The following IGF2R variants were observed in gnomAD, a reference collection of about 807,000 sequenced individuals.
The protein encoded by IGF2R is cation-independent mannose-6-phosphate receptor.
In IGF2R, 91 loss-of-function variants were observed where a neutral mutation model predicts 270.6. That is an observed-to-expected ratio of 0.34 (90% CI 0.28 to 0.40). The LOEUF (loss-of-function observed/expected upper bound fraction) is 0.40, where lower values mean the gene tolerates loss of function less well. Among genes scored for constraint, IGF2R ranks in the 10% least tolerant of loss-of-function variants. The pLI, the probability that IGF2R is intolerant of heterozygous loss-of-function variation, is 1.00. For missense variants in IGF2R, 2,805 were observed against 3,188.3 expected, an observed-to-expected ratio of 0.88 and a Z score of 2.90; for synonymous variants, 1,316 against 1,258.9, an observed-to-expected ratio of 1.05 and a Z score of -0.96.
At chr6:160,037,951 C>G (rs529217957) in intron 10 of IGF2R, among the ~76,000 whole-genome samples, 3 of 152,206 alleles carry the variant, frequency 2.0e-5, no homozygotes, top group East Asian at 1.9e-4. Flanking sequence ...AAATAAGTCA[C>G]TTGGCCCAGC....
intron 46 of IGF2R, among the ~76,000 whole-genome samples, chr6:160,103,183 C>T (rs1272542401): frequency 6.6e-6 from 1 of 152,100 alleles, no homozygotes; most frequent in Admixed American, 6.5e-5. Context: ...TCAGGCGTTC[C>T]CTGCTGCCAC....
chr6:160,082,541 A>G (rs1175067083), intron 39 of IGF2R, among the ~76,000 whole-genome samples: 3 of 151,978 alleles, frequency 2.0e-5, no homozygotes, highest in East Asian at 3.9e-4. Flanking sequence ...CCAACTGCTG[A>G]CCTCATGATC....
chr6:160,060,511 T>G, intron 22 of IGF2R, 36 bp from the exon 23 acceptor site: 1 of 1,609,264 alleles, frequency 6.2e-7, no homozygotes, highest in Non-Finnish European at 8.5e-7. Flanking sequence ...TGAATACTGT[T>G]CTGTCTCTTA....
At chr6:159,978,450 C>T (rs1174780016) in intron 1 of IGF2R, among the ~76,000 whole-genome samples, 2 of 152,040 alleles carry the variant, frequency 1.3e-5, no homozygotes, top group African/African-American at 2.4e-5. Context: ...CAAGAAGAGC[C>T]GTCCTCCCTG....
intron 4 of IGF2R, among the ~76,000 whole-genome samples, chr6:160,021,837 A>G (rs1245993366): frequency 6.6e-6 from 1 of 152,202 alleles, no homozygotes; most frequent in Non-Finnish European, 1.5e-5. Context: ...TAATCAAAGA[A>G]CTAAAAATAG....
intron 11 of IGF2R, among the ~76,000 whole-genome samples, chr6:160,042,236 C>G (rs1291609572): frequency 6.6e-6 from 1 of 152,198 alleles, no homozygotes; most frequent in Admixed American, 6.5e-5. Context: ...CCACCCCAGA[C>G]TTCCAGTGTT....
intron 36 of IGF2R, among the ~76,000 whole-genome samples, chr6:160,077,607 A>T (rs1024455873): frequency 1.3e-5 from 2 of 152,226 alleles, no homozygotes; most frequent in Admixed American, 6.5e-5. Flanking sequence ...AGATTTTTAG[A>T]AGATTTTTCT....
rs1432133853 is a variant in IGF2R at position 160,022,442 on chromosome 6, T to C, written c.514-2130T>C. 7.2e-5 allele frequency among the ~76,000 whole-genome samples: 11 copies of C among 152,188 alleles called. 1 individual carries two copies. The highest frequency in any genetic ancestry group is 1.6e-4 in the Non-Finnish European group (11 of 68,030). On this transcript the variant is annotated intron_variant, in intron 4 of 47. Transcript: ENST00000356956. ...CCTTAAAGCTCAGGGTCTTGCCAACTCTAACAGTGGGGTTTCTTGATGTTT... is the reference window on the plus strand; with the variant it reads ...CCTTAAAGCTCAGGGTCTTGCCAACCCTAACAGTGGGGTTTCTTGATGTTT...
chr6:159,992,714 C>G (rs1783998458), intron 2 of IGF2R, among the ~76,000 whole-genome samples: 1 of 152,036 alleles, frequency 6.6e-6, no homozygotes, highest in African/African-American at 2.4e-5. Context: ...ATGGATAGTG[C>G]TGTGATAAAC....
At chr6:160,027,139 TCACTCCTAA>T in intron 5 of IGF2R, 37 bp from the exon 6 acceptor site, 1 of 1,609,564 alleles carries the variant, frequency 6.2e-7, no homozygotes, top group Admixed American at 1.7e-5. Context: ...CGTGTGATTA[TCACTCCTAA>T]CACCTAATCT....
At position 160,045,840 on chromosome 6, in the gene IGF2R, A is replaced by G; in HGVS notation, c.1861A>G (p.Lys621Glu). 6.2e-7 allele frequency: 1 copy of G among 1,608,308 alleles called. No homozygotes were observed. Among genetic ancestry groups the G allele is most frequent in the Non-Finnish European group, 8.5e-7 (1 of 1,177,184 alleles). Residue 621 changes from lysine (K) to glutamate (E), a missense_variant, in exon 14 of 48, where the codon AAG becomes GAG. Lys to Glu is a moderately conservative substitution (Grantham distance 56). This residue lies in a region of IGF2R where 954 missense variants were observed against 981.1 expected (regional missense o/e 0.97). Coordinates refer to ENST00000356956, the MANE Select transcript of IGF2R (RefSeq NM_000876.4). The stretch of plus-strand genomic sequence containing the variant: ...CACAGCTGCGGCCTGTGTGCTGTCT[A>G]AGACAGAAGGGGAGAACTGCACGGT... The part of the protein sequence containing the change: ...WHTAAACVLS[K>E]TEGENCTVFD...
rs1313426631 is a variant in IGF2R, at chr6:160,084,214, C to T, written c.6068+30C>T. 1 of 1,357,168 alleles carries T rather than the reference C, an allele frequency of 7.4e-7. No homozygotes were observed. Among genetic ancestry groups the T allele is most frequent in the Non-Finnish European group, 1.1e-6 (1 of 947,442 alleles). The allele number at this position is 1,357,168 out of a possible 1,614,324, so 84.1% of individuals were successfully genotyped here. On this transcript the variant is annotated intron_variant, in intron 40 of 47. Transcript: ENST00000356956. The surrounding 1 kb of genome is among the most constrained non-coding windows in gnomAD (Gnocchi z 4.6). Reference sequence around the variant, plus strand: ...GTGCCTTCCCAGTCCACCCGCGGCGCCACACCCTCAGCATGTGAACTTCAG... The same window carrying T: ...GTGCCTTCCCAGTCCACCCGCGGCGTCACACCCTCAGCATGTGAACTTCAG...
Position 159,991,278 on chromosome 6 carries a change from G to A in IGF2R, c.244G>A (p.Ala82Thr). The A allele has an allele frequency of 6.2e-7, 1 of 1,613,818 alleles. No homozygotes were observed. Among genetic ancestry groups the A allele is most frequent in the Non-Finnish European group, 8.5e-7 (1 of 1,179,850 alleles). Residue 82 changes from alanine (A) to threonine (T), a missense_variant, in exon 2 of 48, where the codon GCT becomes ACT. Coordinates refer to ENST00000356956, the MANE Select transcript of IGF2R (RefSeq NM_000876.4). ...VDIVQCGPSSAVCMHDLKTRT... is the reference protein window; with the variant it reads ...VDIVQCGPSSTVCMHDLKTRT... ...TATTGTCCAGTGCGGGCCATCAAGTGCTGTTTGTATGCACGACTTGAAGAC... is the reference window on the plus strand; with the variant it reads ...TATTGTCCAGTGCGGGCCATCAAGTACTGTTTGTATGCACGACTTGAAGAC...
intron 4 of IGF2R, among the ~76,000 whole-genome samples, chr6:160,022,468 T>C (rs1397670201): frequency 3.9e-5 from 6 of 152,198 alleles, no homozygotes; most frequent in African/African-American, 1.2e-4. Context: ...CTTGATGTTT[T>C]TTAAAATAAA....
chr6:160,010,494 A>T (rs1784316904), intron 3 of IGF2R, 193 bp from the exon 4 acceptor site: 2 of 492,786 alleles, frequency 4.1e-6, no homozygotes, highest in Non-Finnish European at 7.3e-6. Context: ...ACATGATTTT[A>T]TGAAGCTTTG....
chr6:160,027,731 T>C (rs1777594390), intron 6 of IGF2R, among the ~76,000 whole-genome samples: 1 of 152,240 alleles, frequency 6.6e-6, no homozygotes, highest in Non-Finnish European at 1.5e-5. Flanking sequence ...ACAGGGACCT[T>C]GGTTCCCAGT....
At chr6:159,997,650 G>A (rs377599150) in intron 2 of IGF2R, among the ~76,000 whole-genome samples, 2 of 152,058 alleles carry the variant, frequency 1.3e-5, no homozygotes, top group Admixed American at 6.5e-5. Flanking sequence ...TGCCCCTCTC[G>A]TTTCCTGCTT....
chr6:160,027,283 C>G lies in IGF2R; in HGVS notation c.745C>G (p.Arg249Gly), dbSNP rs150809922. 1.9e-6 allele frequency: 3 copies of G among 1,613,886 alleles called. No individual in the cohort carries two copies. In the South Asian group the frequency reaches 3.3e-5, roughly 18 times the overall value. The change falls in exon 6 of 48, where the codon CGG becomes GGG. Residue 249 changes from arginine (R) to glycine (G), a missense_variant. Arg to Gly is a moderately radical substitution (Grantham distance 125). This residue lies in a region of IGF2R where 954 missense variants were observed against 981.1 expected (regional missense o/e 0.97). Coordinates refer to ENST00000356956, the MANE Select transcript of IGF2R (RefSeq NM_000876.4). ...GHQAFDVGQP[R>G]DGLKLVRKDR... Reference sequence around the variant, plus strand: ...CCAGGCGTTTGATGTTGGCCAGCCCCGGGACGGACTGAAGCTGGTGCGCAA... The same window carrying G: ...CCAGGCGTTTGATGTTGGCCAGCCCGGGGACGGACTGAAGCTGGTGCGCAA...
At chr6:159,996,109 G>T (rs773735969) in intron 2 of IGF2R, among the ~76,000 whole-genome samples, 4 of 151,980 alleles carry the variant, frequency 2.6e-5, no homozygotes, top group African/African-American at 4.8e-5. Context: ...GTTATAGTTG[G>T]CCTTTTTGTG....
Sources: allele counts gnomAD v4.1 joint callset (sites outside exome capture counted in the v4.1 genomes callset), GRCh38; gene constraint gnomAD v4.1.1; regional missense constraint gnomAD v4.1.1; non-coding constraint Gnocchi (gnomAD v3.1); transcripts MANE v1.5; gene names NCBI Gene and HGNC (gene_info 2026-07-23, HGNC 2026-07-21).